The following COL5A2 variants were observed in gnomAD, a reference collection of about 807,000 sequenced individuals.
COL5A2 encodes collagen alpha-2(V) chain.
In COL5A2, 23 loss-of-function variants were observed where a neutral mutation model predicts 208.2. The observed-to-expected ratio is 0.11, with a 90% CI of 0.08 to 0.16. The LOEUF (loss-of-function observed/expected upper bound fraction) is 0.16. Ranked by LOEUF, COL5A2 falls within the 10% of genes least tolerant of loss-of-function variation. The probability of loss-of-function intolerance (pLI) is 1.00; values close to 1 mark genes in which losing one functional copy is unlikely to be tolerated. For missense variants in COL5A2, 1,590 were observed against 1,956.4 expected, an observed-to-expected ratio of 0.81 and a Z score of 3.53; for synonymous variants, 625 against 628.5, an observed-to-expected ratio of 0.99 and a Z score of 0.08.
the COL5A2 span, among the ~76,000 whole-genome samples, chr2:189,397,410 G>GT: frequency 2.0e-5 from 3 of 152,156 alleles, no homozygotes; most frequent in Non-Finnish European, 4.4e-5. Flanking sequence ...CCTTCAACTG[G>GT]TATTATCTGA....
chr2:189,132,815 G>A (rs952409707), intron 1 of COL5A2, among the ~76,000 whole-genome samples: 1 of 151,868 alleles, frequency 6.6e-6, no homozygotes, highest in Non-Finnish European at 1.5e-5. Flanking sequence ...CAGCTACTCG[G>A]GAGGCTGAGG....
intron 51 of COL5A2, 50 bp from the exon 52 acceptor site, chr2:189,036,853 A>G (rs370759111): frequency 9.7e-6 from 13 of 1,333,812 alleles, no homozygotes; most frequent in African/African-American, 1.5e-5. Context: ...CTCAATCATG[A>G]CTATAAGTCT....
At chr2:189,143,429 C>T (rs942183231) in intron 1 of COL5A2, among the ~76,000 whole-genome samples, 33 of 152,250 alleles carry the variant, frequency 2.2e-4, no homozygotes, top group East Asian at 1.9e-4. Context: ...TGTATAAAGG[C>T]CTACTCTAAC....
intron 1 of COL5A2, among the ~76,000 whole-genome samples, chr2:189,174,324 T>C (rs1049705294): frequency 8.5e-5 from 13 of 152,238 alleles, no homozygotes; most frequent in Non-Finnish European, 1.6e-4. Flanking sequence ...AAATGGCATG[T>C]GTCTTCTGCA....
the COL5A2 span, among the ~76,000 whole-genome samples, chr2:189,262,478 G>T: frequency 6.6e-6 from 1 of 151,958 alleles, no homozygotes; most frequent in South Asian, 2.1e-4. Flanking sequence ...TATTTGTGGG[G>T]TTGGCTGAAA....
intron 1 of COL5A2, among the ~76,000 whole-genome samples, chr2:189,130,542 G>C (rs1232375131): frequency 1.3e-5 from 2 of 151,960 alleles, no homozygotes; most frequent in African/African-American, 2.4e-5. Flanking sequence ...CTTACACCTA[G>C]CAAGGGATCT....
At chr2:189,249,788 C>G in the COL5A2 span, among the ~76,000 whole-genome samples, 5 of 150,778 alleles carry the variant, frequency 3.3e-5, no homozygotes, top group East Asian at 7.8e-4. Context: ...CCTCCACCTC[C>G]TGGATTCAAC....
At chr2:189,058,992 C>G in intron 31 of COL5A2, 99 bp from the exon 32 acceptor site, 1 of 894,454 alleles carries the variant, frequency 1.1e-6, no homozygotes. Flanking sequence ...TATTAATGTG[C>G]CATTAGAAGG....
the COL5A2 span, among the ~76,000 whole-genome samples, chr2:189,397,931 AG>A: frequency 3.3e-5 from 5 of 152,098 alleles, no homozygotes; most frequent in African/African-American, 1.2e-4. Flanking sequence ...TTTATTCAAA[AG>A]TTTATCTCTA....
the COL5A2 span, among the ~76,000 whole-genome samples, chr2:189,300,334 C>G: frequency 6.6e-6 from 1 of 152,074 alleles, no homozygotes; most frequent in African/African-American, 2.4e-5. Context: ...AGAAATTACA[C>G]CAGAAACTAT....
chr2:189,406,027 T>C, the COL5A2 span, among the ~76,000 whole-genome samples: 1 of 152,208 alleles, frequency 6.6e-6, no homozygotes, highest in Non-Finnish European at 1.5e-5. Flanking sequence ...TAAAGGAAAA[T>C]ATATAGATAG....
chr2:189,317,435 T>G, the COL5A2 span, among the ~76,000 whole-genome samples: 6 of 152,148 alleles, frequency 3.9e-5, no homozygotes, highest in East Asian at 5.8e-4. Context: ...TCTTCCTATA[T>G]GGCAGACAAT....
At chr2:189,279,994 G>A in the COL5A2 span, among the ~76,000 whole-genome samples, 1 of 151,978 alleles carries the variant, frequency 6.6e-6, no homozygotes, top group Non-Finnish European at 1.5e-5. Context: ...CCTTATAGAA[G>A]AGACCCAAGA....
the COL5A2 span, among the ~76,000 whole-genome samples, chr2:189,329,452 T>A: frequency 2.0e-5 from 3 of 152,172 alleles, no homozygotes; most frequent in Non-Finnish European, 2.9e-5. Flanking sequence ...TAATTGAAAT[T>A]TAATAAGAAA....
chr2:189,169,976 G>A (rs1211994505), intron 1 of COL5A2, among the ~76,000 whole-genome samples: 1 of 152,138 alleles, frequency 6.6e-6, no homozygotes, highest in Non-Finnish European at 1.5e-5. Context: ...CTCGGCCTCT[G>A]AAAGTGCTGG....
chr2:189,080,799 T>C (rs1453827193), intron 13 of COL5A2, among the ~76,000 whole-genome samples, 191 bp downstream of exon 13: 2 of 152,208 alleles, frequency 1.3e-5, no homozygotes, highest in African/African-American at 4.8e-5. Context: ...TATATTTCTT[T>C]ATCAAATCAA....
the COL5A2 span, among the ~76,000 whole-genome samples, chr2:189,366,367 T>C: frequency 9.2e-5 from 14 of 152,294 alleles, no homozygotes; most frequent in East Asian, 7.7e-4. Flanking sequence ...CAGGGGACAA[T>C]TGGCAATGTC....
At chr2:189,206,719 A>G (rs369769445) in intron 1 of COL5A2, among the ~76,000 whole-genome samples, 24 of 152,252 alleles carry the variant, frequency 1.6e-4, no homozygotes, top group African/African-American at 5.5e-4. Flanking sequence ...GTTGCTTGAG[A>G]TCAATAAAAT....
chr2:189,173,754 A>G (rs1229545315), intron 1 of COL5A2, among the ~76,000 whole-genome samples: 1 of 152,194 alleles, frequency 6.6e-6, no homozygotes, highest in Non-Finnish European at 1.5e-5. Flanking sequence ...TTTAGTGAAA[A>G]TTATAGTTTC....
Sources: gnomAD v4.1 joint callset for allele counts (sites outside exome capture counted in the v4.1 genomes callset) on GRCh38, gnomAD v4.1.1 for gene constraint, MANE v1.5 for transcripts, NCBI Gene and HGNC (gene_info 2026-07-23, HGNC 2026-07-21) for gene names.